Variants in CACNA1B observed in about 807,000 individuals in gnomAD.
CACNA1B encodes the protein voltage-dependent N-type calcium channel subunit alpha-1B.
Under a neutral mutation model 247.2 loss-of-function variants are expected in CACNA1B, and 70 were observed. The ratio of observed to expected loss-of-function variants is 0.28; its 90% confidence interval spans 0.23 to 0.35. The LOEUF (loss-of-function observed/expected upper bound fraction) is 0.35. CACNA1B is among the 10% of genes least tolerant of loss of function. CACNA1B has a pLI of 1.00. For missense variants in CACNA1B, 2,367 were observed against 3,197.4 expected (o/e 0.74, Z 6.26); for synonymous variants, 1,231 against 1,294.4 (o/e 0.95, Z 1.05).
rs1213128049 is a variant in CACNA1B at position 138,010,080 on chromosome 9, A to G, written c.2160+3A>G. ...CCAACGCCCAAGAGCTGACCAAGGT[A>G]GGTGGCGACAGGGAGGGACCGGTGT... On this transcript the variant is annotated splice_donor_region_variant and intron_variant, in intron 17 of 46. Transcript: ENST00000371372. The surrounding 1 kb of genome is among the most constrained non-coding windows in gnomAD (Gnocchi z 5.3). 2 of 1,611,838 alleles carry G rather than the reference A, an allele frequency of 1.2e-6. No homozygotes were observed. The highest frequency in any genetic ancestry group is 2.2e-5 in the South Asian group (2 of 91,024).
In CACNA1B at chr9:138,105,812, G is replaced by T; in HGVS notation, c.5428+5G>T. The stretch of plus-strand genomic sequence containing the variant: ...TGGAGATCAAGCTGGCCCCAGGTGA[G>T]CAAGGCAGCCTCGGAAGGAGGGCCC... On this transcript the variant is annotated splice_donor_5th_base_variant and intron_variant, in intron 39 of 46. Coordinates refer to ENST00000371372, the MANE Select transcript of CACNA1B (RefSeq NM_000718.4). 1 of 1,510,618 alleles carries T rather than the reference G, an allele frequency of 6.6e-7. No individual in the cohort carries two copies. 93.6% of individuals were successfully genotyped at this position (1,510,618 alleles called of 1,614,324 possible).
chr9:138,119,269 A>G (rs9410161), intron 44 of CACNA1B, among the ~76,000 whole-genome samples: 4,808 of 152,130 alleles, frequency 0.032, 179 homozygotes, highest in African/African-American at 0.089. Flanking sequence ...TTTCTGGGAC[A>G]TGCACACTGG....
At chr9:137,996,377 C>T (rs1394614362) in intron 15 of CACNA1B, among the ~76,000 whole-genome samples, 1 of 152,152 alleles carries the variant, frequency 6.6e-6, no homozygotes, top group Non-Finnish European at 1.5e-5. Flanking sequence ...TGGATGGAAT[C>T]GGAGGCTACT....
intron 12 of CACNA1B, among the ~76,000 whole-genome samples, chr9:137,983,600 G>C (rs1958318991): frequency 6.6e-6 from 1 of 152,160 alleles, no homozygotes; most frequent in African/African-American, 2.4e-5. Flanking sequence ...CTGTTTCCTG[G>C]TCATTGGGAG....
At chr9:137,938,904 C>T (rs1406637480) in intron 6 of CACNA1B, among the ~76,000 whole-genome samples, 2 of 152,090 alleles carry the variant, frequency 1.3e-5, no homozygotes, top group Admixed American at 1.3e-4. Flanking sequence ...GAAACCCTGT[C>T]TCTACTAAAA....
intron 6 of CACNA1B, among the ~76,000 whole-genome samples, chr9:137,926,572 T>TG (rs1957553864): frequency 1.3e-5 from 2 of 152,242 alleles, no homozygotes; most frequent in South Asian, 4.1e-4. Flanking sequence ...AGGGATCATA[T>TG]GATAATTACA....
intron 43 of CACNA1B, 46 bp from the exon 44 acceptor site, chr9:138,118,606 C>T: frequency 1.0e-6 from 1 of 954,962 alleles, no homozygotes; most frequent in Admixed American, 2.2e-5. Flanking sequence ...TCAGATGAGT[C>T]CGCGGTGCCT....
intron 3 of CACNA1B, among the ~76,000 whole-genome samples, chr9:137,896,771 C>G (rs1957178141): frequency 6.6e-6 from 1 of 152,080 alleles, no homozygotes; most frequent in Non-Finnish European, 1.5e-5. Context: ...TTTTTGGGAG[C>G]TTTCAAGTTA....
rs766205175 is a variant in CACNA1B at position 137,986,586 on chromosome 9, C to G, written c.1901+42C>G. On this transcript the variant is annotated intron_variant, in intron 14 of 46. Coordinates refer to ENST00000371372, the MANE Select transcript of CACNA1B (RefSeq NM_000718.4). This position sits in a 1 kb window ranked among gnomAD's most constrained non-coding sequence, Gnocchi z 6.0. ...GGGAGAGCTCAAGGCTGGGGGCTTGCAGGGAAGCAGAGCTCAGAGCAGACG... is the reference window on the plus strand; with the variant it reads ...GGGAGAGCTCAAGGCTGGGGGCTTGGAGGGAAGCAGAGCTCAGAGCAGACG... The G allele has an allele frequency of 6.2e-7, 1 of 1,609,748 alleles. No homozygotes were observed.
chr9:138,097,967 C>T (rs997917811), intron 37 of CACNA1B, among the ~76,000 whole-genome samples: 1 of 152,226 alleles, frequency 6.6e-6, no homozygotes, highest in Non-Finnish European at 1.5e-5. Flanking sequence ...GCTGCACGGG[C>T]CCTTCCCAGT....
intron 42 of CACNA1B, among the ~76,000 whole-genome samples, chr9:138,117,707 TC>T (rs1961921146): frequency 6.6e-6 from 1 of 152,152 alleles, no homozygotes; most frequent in Non-Finnish European, 1.5e-5. Context: ...CCCTTCTTGC[TC>T]TGACCCTGTT....
chr9:137,882,614 G>A lies in CACNA1B; in HGVS notation c.391-130G>A, dbSNP rs1475145307. 12 of 1,006,256 alleles carry A rather than the reference G, an allele frequency of 1.2e-5. No individual in the cohort carries two copies. The highest frequency in any genetic ancestry group is 8.9e-5 in the Admixed American group (4 of 45,164). The allele number at this position is 1,006,256 out of a possible 1,614,324, so 62.3% of individuals were successfully genotyped here. ...AGAATCTGCAGGGTGTTGGGGGCAA[G>A]GTGAGGAGGGTCAGACCCTCACGAT... On this transcript the variant is annotated intron_variant, in intron 2 of 46. Transcript: ENST00000371372. The surrounding 1 kb of genome is among the most constrained non-coding windows in gnomAD (Gnocchi z 4.0).
intron 36 of CACNA1B, among the ~76,000 whole-genome samples, chr9:138,079,524 C>T (rs1960444293): frequency 6.6e-6 from 1 of 152,110 alleles, no homozygotes; most frequent in African/African-American, 2.4e-5. Context: ...GGACAGATCA[C>T]CTAAGGCCAG....
rs189909899 is a variant in CACNA1B at position 138,013,108 on chromosome 9, C to G, written c.2161-21C>G. 535 of 1,579,562 alleles carry G rather than the reference C, an allele frequency of 3.4e-4. 4 individuals carry two copies. The African/African-American group carries it at 5.6e-3, about 16-fold the overall frequency. ...CTATAACACTGTGAGGGGAACTGGA[C>G]ATTTCTCTTTGCTCAAACAGGATGA... On this transcript the variant is annotated intron_variant, in intron 17 of 46. Coordinates refer to ENST00000371372, the MANE Select transcript of CACNA1B (RefSeq NM_000718.4).
chr9:137,959,076 T>C (rs1175213483), intron 10 of CACNA1B, among the ~76,000 whole-genome samples: 1 of 152,182 alleles, frequency 6.6e-6, no homozygotes. Flanking sequence ...TTTTATTTAA[T>C]TAATTTTTTT....
At chr9:138,044,249 G>C (rs902604375) in intron 21 of CACNA1B, among the ~76,000 whole-genome samples, 1 of 152,226 alleles carries the variant, frequency 6.6e-6, no homozygotes, top group Non-Finnish European at 1.5e-5. Context: ...TGTTGCCTGC[G>C]TGTGTGCACT....
intron 3 of CACNA1B, among the ~76,000 whole-genome samples, chr9:137,900,353 G>A (rs994475007): frequency 3.3e-5 from 5 of 152,172 alleles, no homozygotes; most frequent in Non-Finnish European, 5.9e-5. Context: ...GTGGGGCTGG[G>A]AGCACTCCCC....
chr9:137,996,598 A>G (rs1437779887), intron 15 of CACNA1B, among the ~76,000 whole-genome samples: 1 of 152,220 alleles, frequency 6.6e-6, no homozygotes, highest in Non-Finnish European at 1.5e-5. Context: ...GATAATCACT[A>G]AAGAACTTAG....
At chr9:137,995,337 C>T (rs558761233) in intron 15 of CACNA1B, among the ~76,000 whole-genome samples, 1 of 152,014 alleles carries the variant, frequency 6.6e-6, no homozygotes, top group African/African-American at 2.4e-5. Flanking sequence ...AAAATAGGTA[C>T]ATAGACCAAT....
Sources: allele counts gnomAD v4.1 joint callset (sites outside exome capture counted in the v4.1 genomes callset), GRCh38; gene constraint gnomAD v4.1.1; non-coding constraint Gnocchi (gnomAD v3.1); transcripts MANE v1.5; gene names NCBI Gene and HGNC (gene_info 2026-07-23, HGNC 2026-07-21).